HMGCLL1: variants seen among roughly 807,000 people sequenced by gnomAD.
HMGCLL1 encodes the protein 3-hydroxymethyl-3-methylglutaryl-CoA lyase, cytoplasmic.
HMGCLL1 carries 36 observed loss-of-function variants against 39.1 expected under a neutral mutation model. The ratio of observed to expected loss-of-function variants is 0.92; its 90% CI spans 0.71 to 1.22. The LOEUF (loss-of-function observed/expected upper bound fraction) is 1.22. Among genes scored for constraint, HMGCLL1 ranks in the 50% most tolerant of loss-of-function variants. The pLI is 0.00. For synonymous variants in HMGCLL1, 149 were observed against 144.0 expected (o/e 1.03, Z -0.25); for missense variants, 451 against 416.5 (o/e 1.08, Z -0.72).
intron 1 of HMGCLL1, among the ~76,000 whole-genome samples, chr6:55,544,390 C>T (rs1769836342): frequency 6.6e-6 from 1 of 152,134 alleles, no homozygotes; most frequent in African/African-American, 2.4e-5. Context: ...AACATAATCT[C>T]TTGGTACCTC....
At chr6:55,479,555 T>A (rs1381467096) in intron 7 of HMGCLL1, among the ~76,000 whole-genome samples, 1 of 151,610 alleles carries the variant, frequency 6.6e-6, no homozygotes, top group Non-Finnish European at 1.5e-5. Flanking sequence ...TCATAAGTGA[T>A]CTTCATGTAA....
chr6:55,483,761 C>G (rs1765861916), intron 7 of HMGCLL1, among the ~76,000 whole-genome samples: 1 of 152,148 alleles, frequency 6.6e-6, no homozygotes, highest in Non-Finnish European at 1.5e-5. Flanking sequence ...CCTAACCTTG[C>G]TAAGCTACAA....
At chr6:55,485,630 G>A (rs1320634192) in intron 7 of HMGCLL1, among the ~76,000 whole-genome samples, 2 of 151,814 alleles carry the variant, frequency 1.3e-5, no homozygotes, top group East Asian at 3.9e-4. Flanking sequence ...TTTCAATACA[G>A]AGTAGACAAA....
At chr6:55,656,404 C>T in the HMGCLL1 span, among the ~76,000 whole-genome samples, 8 of 151,964 alleles carry the variant, frequency 5.3e-5, no homozygotes, top group Non-Finnish European at 1.0e-4. Flanking sequence ...GATCACACAG[C>T]TAAGCCATAT....
chr6:55,549,510 G>T (rs1424179412), intron 1 of HMGCLL1, among the ~76,000 whole-genome samples: 1 of 151,468 alleles, frequency 6.6e-6, no homozygotes, highest in African/African-American at 2.4e-5. Flanking sequence ...GAAAACTACG[G>T]TTTATAATAG....
chr6:55,555,323 A>G (rs1189614596), intron 1 of HMGCLL1, among the ~76,000 whole-genome samples: 2 of 150,444 alleles, frequency 1.3e-5, no homozygotes, highest in Non-Finnish European at 3.0e-5. Context: ...AAAATACTCC[A>G]TAAAATATCA....
At chr6:55,523,287 G>A (rs1290222426) in intron 3 of HMGCLL1, among the ~76,000 whole-genome samples, 1 of 151,926 alleles carries the variant, frequency 6.6e-6, no homozygotes, top group Non-Finnish European at 1.5e-5. Context: ...AACAAGGAAG[G>A]CATAGCCAGA....
the HMGCLL1 span, among the ~76,000 whole-genome samples, chr6:55,615,209 T>C: frequency 2.0e-5 from 3 of 152,056 alleles, no homozygotes; most frequent in Non-Finnish European, 2.9e-5. Flanking sequence ...GAGGGAAGCA[T>C]GTCTACTTCC....
chr6:55,603,824 T>C, the HMGCLL1 span, among the ~76,000 whole-genome samples: 1 of 152,200 alleles, frequency 6.6e-6, no homozygotes, highest in African/African-American at 2.4e-5. Flanking sequence ...TTTTGTAGCT[T>C]AGATTTCTGC....
intron 4 of HMGCLL1, 68 bp downstream of exon 4, chr6:55,516,440 T>G: frequency 9.7e-7 from 1 of 1,026,920 alleles, no homozygotes; most frequent in Non-Finnish European, 1.5e-6. Flanking sequence ...GACACAATTT[T>G]AACTTTGTAA....
At chr6:55,457,031 G>A (rs889143477) in intron 7 of HMGCLL1, among the ~76,000 whole-genome samples, 3 of 152,152 alleles carry the variant, frequency 2.0e-5, no homozygotes, top group African/African-American at 7.2e-5. Context: ...CCTCTGGGAT[G>A]CTTTTTTGTC....
intron 5 of HMGCLL1, among the ~76,000 whole-genome samples, chr6:55,510,761 T>C (rs181690171): frequency 0.024 from 3,637 of 151,120 alleles, 78 homozygotes; most frequent in Admixed American, 0.036. Flanking sequence ...CTGCACATTG[T>C]GCACATATAC....
the HMGCLL1 span, among the ~76,000 whole-genome samples, chr6:55,656,256 C>T: frequency 6.6e-6 from 1 of 151,994 alleles, no homozygotes; most frequent in Admixed American, 6.6e-5. Flanking sequence ...ATACCCTCCT[C>T]CTAACCTAAC....
At chr6:55,503,480 CTTT>C (rs70986722) in intron 5 of HMGCLL1, among the ~76,000 whole-genome samples, 1 of 150,928 alleles carries the variant, frequency 6.6e-6, no homozygotes, top group African/African-American at 2.4e-5. Context: ...AAACCTGAGA[CTTT>C]TTTTTTCTCA....
the HMGCLL1 span, among the ~76,000 whole-genome samples, chr6:55,673,340 C>A: frequency 2.1e-4 from 32 of 151,894 alleles, no homozygotes; most frequent in Admixed American, 5.9e-4. Flanking sequence ...GGCTTGCAAG[C>A]GTTACTGAGC....
At chr6:55,516,817 G>T (rs1329988600) in intron 3 of HMGCLL1, among the ~76,000 whole-genome samples, 1 of 152,032 alleles carries the variant, frequency 6.6e-6, no homozygotes, top group Admixed American at 6.6e-5. Flanking sequence ...TACAGAATGG[G>T]ATCTTGTAAA....
At chr6:55,578,550 T>A (rs983103951) in intron 1 of HMGCLL1, among the ~76,000 whole-genome samples, 1 of 152,192 alleles carries the variant, frequency 6.6e-6, no homozygotes, top group African/African-American at 2.4e-5. Flanking sequence ...CTGCCTCACA[T>A]TGTGACAAAT....
chr6:55,579,122 G>T lies in HMGCLL1; in HGVS notation c.-67C>A, dbSNP rs1771918088. ...GAGGAGGATGAGGGGCGGGCACCGC[G>T]CTGGGAAACTGCGCCAGCTCGGGAG... is the stretch of plus-strand genomic sequence containing the variant. On this transcript the variant is annotated 5_prime_UTR_variant, in exon 1 of 9. Coordinates refer to ENST00000274901, the MANE Select transcript of HMGCLL1 (RefSeq NM_001042406.2). 19 of 1,236,038 alleles carry T rather than the reference G, an allele frequency of 1.5e-5. No homozygotes were observed. In the Admixed American group the frequency reaches 2.9e-4, roughly 19 times the overall value. The allele number at this position is 1,236,038 out of a possible 1,614,324, so 76.6% of individuals were successfully genotyped here.
At chr6:55,540,328 A>G (rs997315217) in intron 3 of HMGCLL1, among the ~76,000 whole-genome samples, 22 of 152,098 alleles carry the variant, frequency 1.4e-4, no homozygotes, top group African/African-American at 4.8e-4. Flanking sequence ...CTCAAAATTA[A>G]TATGTTGAAA....
Sources: allele counts gnomAD v4.1 joint callset (sites outside exome capture counted in the v4.1 genomes callset), GRCh38; gene constraint gnomAD v4.1.1; transcripts MANE v1.5; gene names NCBI Gene and HGNC (gene_info 2026-07-23, HGNC 2026-07-21).